Variants in TET3 observed in about 807,000 individuals in gnomAD.
TET3 encodes the protein tet methylcytosine dioxygenase 3.
In TET3, 19 loss-of-function variants were observed where a neutral mutation model predicts 141.4. That is an observed-to-expected ratio of 0.13 (90% CI 0.09 to 0.20). The LOEUF is 0.20. Ranked by LOEUF, TET3 falls within the 10% of genes least tolerant of loss-of-function variation. The pLI, the probability that TET3 is intolerant of heterozygous loss-of-function variation, is 1.00. For missense variants in TET3, 1,874 were observed against 2,356.9 expected, an observed-to-expected ratio of 0.80 and a Z score of 4.24; for synonymous variants, 1,043 against 980.9, an observed-to-expected ratio of 1.06 and a Z score of -1.18.
rs1371233219 is a variant in TET3 at position 74,105,866 on chromosome 2, G to A, written c.*3690G>A. 1 of 155,184 alleles carries A rather than the reference G, an allele frequency of 6.4e-6. No homozygotes were observed. The highest frequency in any genetic ancestry group is 6.5e-5 in the Admixed American group (1 of 15,302). 9.6% of individuals were successfully genotyped at this position (155,184 alleles called of 1,614,324 possible). On this transcript the variant is annotated 3_prime_UTR_variant, in exon 12 of 12. Coordinates refer to ENST00000409262, the MANE Select transcript of TET3 (RefSeq NM_001287491.2). Reference sequence around the variant, plus strand: ...TGAGATCTCAAACCAAGGCAAAGCTGGTGGAAAACTATATGATATCCCTGA... The same window carrying A: ...TGAGATCTCAAACCAAGGCAAAGCTAGTGGAAAACTATATGATATCCCTGA...
intron 7 of TET3, among the ~76,000 whole-genome samples, chr2:74,088,300 C>T (rs1367230775): frequency 2.0e-5 from 3 of 152,088 alleles, no homozygotes; most frequent in South Asian, 2.1e-4. Context: ...ATGATATTAG[C>T]GAGTGTGAAG....
chr2:74,089,429 G>A (rs1380194034), intron 7 of TET3, among the ~76,000 whole-genome samples: 1 of 152,196 alleles, frequency 6.6e-6, no homozygotes, highest in Non-Finnish European at 1.5e-5. Flanking sequence ...GTTGTTTCCA[G>A]ATTGTATTAA....
the TET3 span, among the ~76,000 whole-genome samples, chr2:74,120,377 G>A: frequency 6.6e-6 from 1 of 152,260 alleles, no homozygotes; most frequent in Non-Finnish European, 1.5e-5. Flanking sequence ...GGCGGGCGAC[G>A]TCCGTACCTC....
chr2:74,112,547 A>G (rs1394491889), downstream of TET3, among the ~76,000 whole-genome samples: 1 of 152,212 alleles, frequency 6.6e-6, no homozygotes. Flanking sequence ...CCAAATAAAA[A>G]GTTTTACTAC....
intron 2 of TET3, chr2:74,002,649 G>T (rs1358489802): frequency 5.3e-6 from 2 of 377,112 alleles, no homozygotes; most frequent in African/African-American, 4.2e-5. Context: ...GCTGGCGAGC[G>T]CGCCGCCCCC....
intron 4 of TET3, among the ~76,000 whole-genome samples, chr2:74,061,342 C>T (rs1289408011): frequency 1.5e-5 from 2 of 137,278 alleles, no homozygotes; most frequent in Non-Finnish European, 3.2e-5. Flanking sequence ...CCTCACCTCC[C>T]GGACGGGGCG....
chr2:74,088,791 T>C (rs10192993), intron 7 of TET3, among the ~76,000 whole-genome samples: 17,125 of 151,922 alleles, frequency 0.11, 2,416 homozygotes, highest in African/African-American at 0.33. Context: ...AATTAAGATA[T>C]GCAACAGGGC....
At chr2:74,013,836 C>T (rs1364410476) in intron 3 of TET3, among the ~76,000 whole-genome samples, 1 of 152,012 alleles carries the variant, frequency 6.6e-6, no homozygotes, top group Admixed American at 6.6e-5. Flanking sequence ...ATAATAATTC[C>T]ATTCTTTTAT....
intron 3 of TET3, among the ~76,000 whole-genome samples, chr2:74,007,061 A>G (rs1252422872): frequency 1.3e-5 from 2 of 152,232 alleles, no homozygotes; most frequent in African/African-American, 4.8e-5. Flanking sequence ...GTCCTGAAAA[A>G]TAAGAGAAAT....
chr2:74,114,638 G>A, the TET3 span, among the ~76,000 whole-genome samples: 2 of 151,840 alleles, frequency 1.3e-5, no homozygotes, highest in Non-Finnish European at 2.9e-5. Context: ...GATGACTTGA[G>A]GTCAGGAGTT....
intron 2 of TET3, among the ~76,000 whole-genome samples, chr2:73,992,879 T>C (rs80248151): frequency 7.9e-5 from 12 of 152,218 alleles, no homozygotes; most frequent in East Asian, 3.8e-4. Flanking sequence ...AGGGTGCTTG[T>C]GGTTCTTTTC....
At chr2:74,108,292 C>T (rs1691615502), downstream of TET3, 1 of 153,810 alleles carries the variant, frequency 6.5e-6, no homozygotes. Context: ...GAAGCCCTCA[C>T]TAATAGCAGC....
chr2:74,031,204 T>C (rs1686667811), intron 3 of TET3, among the ~76,000 whole-genome samples: 1 of 150,086 alleles, frequency 6.7e-6, no homozygotes, highest in Non-Finnish European at 1.5e-5. Flanking sequence ...GGCAGGAGAG[T>C]GGAGAACAGC....
intron 3 of TET3, among the ~76,000 whole-genome samples, chr2:74,038,084 G>A (rs1573756553): frequency 6.6e-6 from 1 of 152,290 alleles, no homozygotes; most frequent in East Asian, 1.9e-4. Flanking sequence ...GGATTTGGGA[G>A]TCTAAGAAGA....
At chr2:74,071,271 G>A (rs1689187626) in intron 4 of TET3, among the ~76,000 whole-genome samples, 1 of 152,192 alleles carries the variant, frequency 6.6e-6, no homozygotes, top group African/African-American at 2.4e-5. Context: ...TATCCCATTG[G>A]GGATTAGGCT....
rs1298852709 is a variant in TET3, at chr2:73,984,943, TGCCGCCGCG to T, written c.-630_-622del. Among the ~76,000 whole-genome samples, 10 of 146,140 alleles carry T rather than the reference TGCCGCCGCG, an allele frequency of 6.8e-5. No homozygotes were observed. The highest frequency in any genetic ancestry group is 9.9e-5 in the African/African-American group (4 of 40,410). ...CGGACGCCTTCATTGCTGCTGCTGC[TGCCGCCGCG>T]GCCGCCGCTGCCTCTTCCTTCCTCC... is the stretch of plus-strand genomic sequence containing the variant. On this transcript the variant is annotated 5_prime_UTR_variant, in exon 1 of 12. Coordinates refer to ENST00000409262, the MANE Select transcript of TET3 (RefSeq NM_001287491.2). This position sits in a 1 kb window ranked among gnomAD's most constrained non-coding sequence, Gnocchi z 5.6.
At position 74,046,785 on chromosome 2, in the gene TET3, A is replaced by G. The variant is rs761680407; in HGVS notation, c.868A>G (p.Ile290Val). ...PDYLEWLEGK[I>V]KSVVMEGGEE... is the part of the protein sequence containing the mutation. ...CTACCTCGAGTGGCTGGAGGGGAAGATCAAGTCTGTGGTCATGGAAGGAGG... is the reference window on the plus strand; with the variant it reads ...CTACCTCGAGTGGCTGGAGGGGAAGGTCAAGTCTGTGGTCATGGAAGGAGG... Residue 290 changes from isoleucine to valine, a missense_variant, in exon 4 of 12, where the codon ATC (isoleucine) becomes GTC (valine). This residue lies in a region of TET3 where 366 missense variants were observed against 487.0 expected (regional missense o/e 0.75). Transcript: ENST00000409262. The surrounding 1 kb of genome is among the most constrained non-coding windows in gnomAD (Gnocchi z 4.3). 7 of 1,613,356 alleles carry G rather than the reference A, an allele frequency of 4.3e-6. No individual in the cohort carries two copies. In the Admixed American group the frequency reaches 8.3e-5, roughly 19 times the overall value.
At chr2:74,121,966 C>G in the TET3 span, 1 of 152,266 alleles carries the variant, frequency 6.6e-6, no homozygotes, top group Non-Finnish European at 1.5e-5. Context: ...CCACTGCACT[C>G]CAACCTGGGT....
chr2:74,032,487 G>GCGCGCGCACGCGATGGCCCCAGCGGC (rs1558730116), intron 3 of TET3, among the ~76,000 whole-genome samples: 1 of 150,464 alleles, frequency 6.6e-6, no homozygotes, highest in African/African-American at 2.5e-5. Context: ...GTGTGTGTGT[G>GCGCGCGCACGCGATGGCCCCAGCGGC]TGTGTGTGTG....
Sources: gnomAD v4.1 joint callset for allele counts (sites outside exome capture counted in the v4.1 genomes callset) on GRCh38, gnomAD v4.1.1 for gene constraint, gnomAD v4.1.1 regional missense constraint, Gnocchi (gnomAD v3.1) non-coding constraint, MANE v1.5 for transcripts, NCBI Gene and HGNC (gene_info 2026-07-23, HGNC 2026-07-21) for gene names.